GAPVD1: variants seen among roughly 807,000 people sequenced by gnomAD.
GAPVD1 encodes the protein GTPase activating protein and VPS9 domains 1.
Under a neutral mutation model 155.5 loss-of-function variants are expected in GAPVD1, and 35 were observed. The observed-to-expected ratio is 0.23, with a 90% CI of 0.17 to 0.30. The LOEUF (loss-of-function observed/expected upper bound fraction) is 0.30, where lower values mean the gene tolerates loss of function less well. GAPVD1 is among the 10% of genes least tolerant of loss of function. The pLI, the probability that GAPVD1 is intolerant of heterozygous loss-of-function variation, is 1.00. For synonymous variants in GAPVD1, 636 were observed against 619.7 expected, an observed-to-expected ratio of 1.03 and a Z score of -0.39; for missense variants, 1,429 against 1,775.7, an observed-to-expected ratio of 0.80 and a Z score of 3.51.
intron 26 of GAPVD1, among the ~76,000 whole-genome samples, chr9:125,360,283 G>A (rs1850715219): frequency 6.6e-6 from 1 of 152,170 alleles, no homozygotes; most frequent in South Asian, 2.1e-4. Context: ...CTTCTGTGCT[G>A]TTGAATGCCC....
chr9:125,271,654 G>A (rs765593764), intron 2 of GAPVD1, among the ~76,000 whole-genome samples: 10 of 151,958 alleles, frequency 6.6e-5, no homozygotes, highest in Admixed American at 4.6e-4. Flanking sequence ...GGGTTCAAGC[G>A]ATTCTCCTGC....
intron 1 of GAPVD1, among the ~76,000 whole-genome samples, chr9:125,268,503 T>G (rs982359133): frequency 4.0e-5 from 6 of 149,726 alleles, no homozygotes; most frequent in African/African-American, 7.4e-5. Context: ...TTGTTTTTTT[T>G]TTTTTTTTTT....
At chr9:125,352,800 C>G (rs1162636721) in intron 23 of GAPVD1, among the ~76,000 whole-genome samples, 2 of 152,170 alleles carry the variant, frequency 1.3e-5, no homozygotes, top group Non-Finnish European at 2.9e-5. Flanking sequence ...CGTTTATGCT[C>G]TGTTTCCCTT....
At chr9:125,326,741 G>T in intron 12 of GAPVD1, 152 bp downstream of exon 12, 5 of 493,706 alleles carry the variant, frequency 1.0e-5, no homozygotes, top group Non-Finnish European at 1.4e-5. Context: ...AGGCATTTGG[G>T]TACTTTTTTC....
intron 15 of GAPVD1, chr9:125,335,307 A>G (rs1846731886): frequency 1.7e-6 from 1 of 574,548 alleles, no homozygotes; most frequent in Non-Finnish European, 3.2e-6. Context: ...TTCATTTTTT[A>G]TTTTGGAAAA....
At chr9:125,277,685 GTT>G (rs551496647) in intron 2 of GAPVD1, among the ~76,000 whole-genome samples, 19 of 137,150 alleles carry the variant, frequency 1.4e-4, no homozygotes, top group Admixed American at 7.5e-5. Context: ...ATGCTTGTCT[GTT>G]TTTTTTTTTT....
chr9:125,328,908 G>A (rs1270180127), intron 12 of GAPVD1, among the ~76,000 whole-genome samples: 2 of 152,216 alleles, frequency 1.3e-5, no homozygotes, highest in Admixed American at 6.5e-5. Flanking sequence ...CGAGGCTGGC[G>A]GATCACTCGC....
chr9:125,307,350 T>G, intron 6 of GAPVD1, 63 bp from the exon 7 acceptor site: 18 of 1,185,060 alleles, frequency 1.5e-5, no homozygotes, highest in Non-Finnish European at 2.0e-5. Context: ...TCCACCTTAA[T>G]GAGAAATTTC....
rs372818935 is a variant in GAPVD1, at chr9:125,361,026, G to A, written c.4242+301G>A. Among the ~76,000 whole-genome samples the A allele has an allele frequency of 7.9e-5, 12 of 151,994 alleles. No individual in the cohort carries two copies. In the South Asian group the frequency reaches 8.3e-4, roughly 11 times the overall value. ...ACAGGCGTGCGTCACCATGCCCAGC[G>A]AATTTTTTTTCATTTTTGCTAGAGA... is the stretch of plus-strand genomic sequence containing the variant. On this transcript the variant is annotated intron_variant, in intron 27 of 27. Transcript: ENST00000297933.
chr9:125,275,972 G>T (rs1835720247), intron 2 of GAPVD1, among the ~76,000 whole-genome samples: 1 of 152,084 alleles, frequency 6.6e-6, no homozygotes, highest in African/African-American at 2.4e-5. Flanking sequence ...TATTACGAAT[G>T]AGTTTAATTA....
intron 17 of GAPVD1, among the ~76,000 whole-genome samples, chr9:125,338,957 GTATA>G (rs202110556): frequency 0.078 from 8,674 of 111,436 alleles, 331 homozygotes; most frequent in Non-Finnish European, 0.1. Flanking sequence ...GTGTGTGTGT[GTATA>G]TATATTTTTT....
intron 3 of GAPVD1, among the ~76,000 whole-genome samples, chr9:125,297,965 C>T (rs1301015331): frequency 5.9e-5 from 9 of 152,120 alleles, no homozygotes; most frequent in Non-Finnish European, 1.2e-4. Flanking sequence ...AGGCTGGTCT[C>T]GAACTCCTGA....
At position 125,364,824 on chromosome 9, in the gene GAPVD1, T is replaced by A. The variant is rs1421811339; in HGVS notation, c.*2078T>A. 6.6e-6 allele frequency: 1 copy of A among 152,590 alleles called. No individual in the cohort carries two copies. The highest frequency in any genetic ancestry group is 1.5e-5 in the Non-Finnish European group (1 of 68,036). 9.5% of individuals were successfully genotyped at this position (152,590 alleles called of 1,614,324 possible). On this transcript the variant is annotated 3_prime_UTR_variant, in exon 28 of 28. Transcript: ENST00000297933. ...AGCTGTGTGATTTCTGAGACCTAGA[T>A]GAGAGTCCATTTACTTCAGCCTTTG... is the stretch of plus-strand genomic sequence containing the variant.
rs1844759154 is a variant in GAPVD1 at position 125,323,870 on chromosome 9, G to T, written c.1805G>T (p.Gly602Val). ...EGESVSELGAGPSGSNGVEAL... is the reference protein window; with the variant it reads ...EGESVSELGAVPSGSNGVEAL... Reference sequence around the variant, plus strand: ...GAGTCTGTGTCAGAACTTGGAGCAGGACCTTCTGGCAGTAATGGAGTTGAA... The same window carrying T: ...GAGTCTGTGTCAGAACTTGGAGCAGTACCTTCTGGCAGTAATGGAGTTGAA... The change falls in exon 11 of 28, where the codon GGA (glycine) becomes GTA (valine). Residue 602 changes from glycine to valine, a missense_variant. Coordinates refer to ENST00000297933, the MANE Select transcript of GAPVD1 (RefSeq NM_001282680.3). 6.2e-7 allele frequency: 1 copy of T among 1,613,644 alleles called. No homozygotes were observed. Among genetic ancestry groups the T allele is most frequent in the Admixed American group, 1.7e-5 (1 of 60,004 alleles).
chr9:125,314,160 T>G (rs1308655619), intron 9 of GAPVD1, among the ~76,000 whole-genome samples: 1 of 152,226 alleles, frequency 6.6e-6, no homozygotes, highest in African/African-American at 2.4e-5. Context: ...TTCTTTCTAG[T>G]GGTATACTAG....
In GAPVD1 at chr9:125,326,529, G is replaced by T; in HGVS notation, c.1972G>T (p.Asp658Tyr). Residue 658 changes from aspartate (D) to tyrosine (Y), a missense_variant, in exon 12 of 28, where the codon GAC (aspartate) becomes TAC (tyrosine). Transcript: ENST00000297933. ...AACAGTGAGTGAGACCTGGAGTACA[G>T]ACGTCTTGGGAAGTGACTTTGACCC... is the stretch of plus-strand genomic sequence containing the variant. ...SETVSETWSTDVLGSDFDPNI... is the reference protein window; with the variant it reads ...SETVSETWSTYVLGSDFDPNI... 6.2e-7 allele frequency: 1 copy of T among 1,612,382 alleles called. No homozygotes were observed. The highest frequency in any genetic ancestry group is 1.1e-5 in the South Asian group (1 of 91,052).
intron 4 of GAPVD1, among the ~76,000 whole-genome samples, chr9:125,301,557 T>C (rs771059773): frequency 1.3e-5 from 2 of 152,060 alleles, no homozygotes; most frequent in Non-Finnish European, 2.9e-5. Flanking sequence ...CAAGTGATTC[T>C]CCTGCCTCAA....
At chr9:125,330,291 GTAT>G (rs925860648) in intron 13 of GAPVD1, 73 bp downstream of exon 13, 80 of 887,424 alleles carry the variant, frequency 9.0e-5, no homozygotes, top group Non-Finnish European at 1.2e-4. Context: ...TCCCAACTCT[GTAT>G]TATGTATATT....
chr9:125,265,397 C>G (rs1215023393), intron 1 of GAPVD1, among the ~76,000 whole-genome samples: 1 of 151,708 alleles, frequency 6.6e-6, no homozygotes, highest in East Asian at 1.9e-4. Context: ...CACCACCACA[C>G]CTGGCATTGT....
Sources: gnomAD v4.1 joint callset for allele counts (sites outside exome capture counted in the v4.1 genomes callset) on GRCh38, gnomAD v4.1.1 for gene constraint, MANE v1.5 for transcripts, NCBI Gene and HGNC (gene_info 2026-07-23, HGNC 2026-07-21) for gene names.